SESTD1: variants seen among roughly 807,000 people sequenced by gnomAD.
The protein encoded by SESTD1 is SEC14 domain and spectrin repeat-containing protein 1.
SESTD1 carries 43 observed loss-of-function variants against 101.7 expected under a neutral mutation model. The observed-to-expected ratio is 0.42, with a 90% CI of 0.33 to 0.55. SESTD1 has a LOEUF of 0.55. Ranked by LOEUF, SESTD1 falls within the 20% of genes least tolerant of loss-of-function variation. SESTD1 has a pLI of 0.07. For synonymous variants in SESTD1, 283 were observed against 286.8 expected, an observed-to-expected ratio of 0.99 and a Z score of 0.13; for missense variants, 647 against 815.1, an observed-to-expected ratio of 0.79 and a Z score of 2.51.
intron 1 of SESTD1, among the ~76,000 whole-genome samples, chr2:179,259,683 T>C (rs1415345944): frequency 2.0e-5 from 3 of 152,124 alleles, no homozygotes; most frequent in Admixed American, 6.5e-5. Context: ...CTTAAATTAA[T>C]AGAACTCAAC....
intron 17 of SESTD1, among the ~76,000 whole-genome samples, chr2:179,112,478 C>G (rs1015751268): frequency 1.3e-5 from 2 of 152,202 alleles, no homozygotes; most frequent in Non-Finnish European, 2.9e-5. Context: ...AACCCAGTGT[C>G]TTAATCTAGT....
rs150051951 is a variant in SESTD1 at position 179,153,876 on chromosome 2, G to A, written c.370-2485C>T. Among the ~76,000 whole-genome samples, 192 of 152,010 alleles carry A rather than the reference G, an allele frequency of 1.3e-3. 1 individual carries two copies. Among genetic ancestry groups the A allele is most frequent in the African/African-American group, 4.4e-3 (182 of 41,468 alleles). On this transcript the variant is annotated intron_variant, in intron 5 of 17. Transcript: ENST00000428443. ...TGCCATGAATCGAAACATTAAATAC[G>A]CTTAAATCAATGAGTGCATACTGAC...
intron 5 of SESTD1, among the ~76,000 whole-genome samples, chr2:179,163,569 A>C (rs2045780190): frequency 6.8e-6 from 1 of 147,008 alleles, no homozygotes; most frequent in Admixed American, 6.6e-5. Flanking sequence ...TTATATATAT[A>C]TATAAAAGAA....
intron 1 of SESTD1, among the ~76,000 whole-genome samples, chr2:179,194,632 C>T (rs2046364065): frequency 6.6e-6 from 1 of 152,118 alleles, no homozygotes. Flanking sequence ...ATGCCTTACA[C>T]TGATCTTAGG....
At chr2:179,171,983 T>A (rs2045937330) in intron 5 of SESTD1, 137 bp downstream of exon 5, 9 of 487,098 alleles carry the variant, frequency 1.8e-5, no homozygotes, top group Admixed American at 3.6e-5. Flanking sequence ...GCTGACCATA[T>A]ACTAATTATT....
chr2:179,226,629 T>C (rs1229435535), intron 1 of SESTD1, among the ~76,000 whole-genome samples: 1 of 152,228 alleles, frequency 6.6e-6, no homozygotes, highest in Non-Finnish European at 1.5e-5. Context: ...ATAAATGTCA[T>C]ATTGCTTGAC....
rs1009737807 is a variant in SESTD1 at position 179,161,021 on chromosome 2, C to T, written c.370-9630G>A. On this transcript the variant is annotated intron_variant, in intron 5 of 17. Transcript: ENST00000428443. The stretch of plus-strand genomic sequence containing the variant: ...TTGACTCTTCAGCTCAAGTGATCCT[C>T]CCTTCTCAGCCTTCCTAGTAACTAG... Among the ~76,000 whole-genome samples, 8 of 151,996 alleles carry T rather than the reference C, an allele frequency of 5.3e-5. No homozygotes were observed. In the South Asian group the frequency reaches 1.5e-3, roughly 28 times the overall value.
Position 179,254,546 on chromosome 2 carries a change from A to T in SESTD1, c.-26+9953T>A, listed in dbSNP as rs190633049. On this transcript the variant is annotated intron_variant, in intron 1 of 17. Coordinates refer to ENST00000428443, the MANE Select transcript of SESTD1 (RefSeq NM_178123.5). Reference sequence around the variant, plus strand: ...GACAGCAAATACAGGCACTAACGCCATCACTACTCCTACTCATAACAATAA... The same window carrying T: ...GACAGCAAATACAGGCACTAACGCCTTCACTACTCCTACTCATAACAATAA... Among the ~76,000 whole-genome samples, 4 of 152,348 alleles carry T rather than the reference A, an allele frequency of 2.6e-5. No individual in the cohort carries two copies. The East Asian group carries it at 7.7e-4, about 29-fold the overall frequency.
In SESTD1 at chr2:179,106,098, A is replaced by G. The variant is rs189147827; in HGVS notation, c.*3801T>C. Reference sequence around the variant, plus strand: ...AGGACTGAACGTTAACAATAAGTCTACTAATTAGGTTAACTGCTTAGCTAT... The same window carrying G: ...AGGACTGAACGTTAACAATAAGTCTGCTAATTAGGTTAACTGCTTAGCTAT... On this transcript the variant is annotated 3_prime_UTR_variant, in exon 18 of 18. Transcript: ENST00000428443. The G allele has an allele frequency of 6.6e-6, 1 of 152,308 alleles. No individual in the cohort carries two copies. The highest frequency in any genetic ancestry group is 1.9e-4 in the East Asian group (1 of 5,190). The allele number at this position is 152,308 out of a possible 1,614,324, so 9.4% of individuals were successfully genotyped here. A position where few individuals can be genotyped will look rare whatever the true frequency, so the allele number is the denominator to read the frequency against.
chr2:179,193,400 A>G (rs962780873), intron 1 of SESTD1, among the ~76,000 whole-genome samples: 5 of 152,192 alleles, frequency 3.3e-5, no homozygotes, highest in African/African-American at 1.2e-4. Context: ...AAGTAGAAGG[A>G]AAAAAGCTCA....
At chr2:179,165,786 G>C (rs1486566938) in intron 5 of SESTD1, among the ~76,000 whole-genome samples, 1 of 152,132 alleles carries the variant, frequency 6.6e-6, no homozygotes, top group Non-Finnish European at 1.5e-5. Context: ...CTTCCACAAA[G>C]TCTACATAAT....
At position 179,106,972 on chromosome 2, in the gene SESTD1, C is replaced by T. The variant is rs1211728492; in HGVS notation, c.*2927G>A. 2 of 151,634 alleles carry T rather than the reference C, an allele frequency of 1.3e-5. No individual in the cohort carries two copies. The highest frequency in any genetic ancestry group is 2.9e-5 in the Non-Finnish European group (2 of 67,886). 9.4% of individuals were successfully genotyped at this position (151,634 alleles called of 1,614,324 possible). A position where few individuals can be genotyped will look rare whatever the true frequency, so the allele number is the denominator to read the frequency against. ...AAATCCTCAAACAAACAAAAAAACC[C>T]AAAAAAACCAAAACAAAATGAAACT... On this transcript the variant is annotated 3_prime_UTR_variant, in exon 18 of 18. Coordinates refer to ENST00000428443, the MANE Select transcript of SESTD1 (RefSeq NM_178123.5).
intron 13 of SESTD1, among the ~76,000 whole-genome samples, chr2:179,118,075 A>G (rs1343945589): frequency 6.6e-6 from 1 of 151,566 alleles, no homozygotes; most frequent in African/African-American, 2.4e-5. Flanking sequence ...GGCTTAAATG[A>G]TCTTCACATC....
intron 15 of SESTD1, chr2:179,116,461 G>T: frequency 1.5e-6 from 1 of 669,278 alleles, no homozygotes; most frequent in Non-Finnish European, 2.6e-6. Flanking sequence ...GAGGGACCAT[G>T]CAGAACATGT....
chr2:179,256,106 A>G (rs576526134), intron 1 of SESTD1, among the ~76,000 whole-genome samples: 35 of 152,362 alleles, frequency 2.3e-4, no homozygotes, highest in African/African-American at 8.4e-4. Context: ...GAGATGTACA[A>G]GGAGATTAAT....
rs533580896 is a variant in SESTD1 at position 179,106,292 on chromosome 2, TGTTTA to T, written c.*3602_*3606del. The T allele has an allele frequency of 1.3e-5, 2 of 152,186 alleles. No individual in the cohort carries two copies. Among genetic ancestry groups the T allele is most frequent in the Non-Finnish European group, 2.9e-5 (2 of 68,028 alleles). The allele number at this position is 152,186 out of a possible 1,614,324, so 9.4% of individuals were successfully genotyped here. A position where few individuals can be genotyped will look rare whatever the true frequency, so the allele number is the denominator to read the frequency against. On this transcript the variant is annotated 3_prime_UTR_variant, in exon 18 of 18. Transcript: ENST00000428443. ...GTAAAGGACATTAGCAACCACAGTA[TGTTTA>T]GTTTTTAGTAGCAACAGTATTTTAC...
chr2:179,180,027 C>G (rs1404463951), intron 3 of SESTD1, among the ~76,000 whole-genome samples: 2 of 152,168 alleles, frequency 1.3e-5, no homozygotes, highest in African/African-American at 4.8e-5. Flanking sequence ...TAAAGTATCA[C>G]CACTCTATCA....
intron 13 of SESTD1, among the ~76,000 whole-genome samples, chr2:179,121,211 C>T (rs542871572): frequency 1.8e-4 from 28 of 152,262 alleles, no homozygotes; most frequent in African/African-American, 5.8e-4. Context: ...GTGTATATTG[C>T]ATAATTTTAA....
chr2:179,113,553 CTTT>C (rs1274309863), intron 16 of SESTD1, among the ~76,000 whole-genome samples: 2 of 151,904 alleles, frequency 1.3e-5, no homozygotes, highest in Non-Finnish European at 2.9e-5. Flanking sequence ...ATTTTTACAA[CTTT>C]TTTTTGCATT....
Sources: allele counts gnomAD v4.1 joint callset (sites outside exome capture counted in the v4.1 genomes callset), GRCh38; gene constraint gnomAD v4.1.1; transcripts MANE v1.5; gene names NCBI Gene and HGNC (gene_info 2026-07-23, HGNC 2026-07-21).